The following SUN3 variants were observed in gnomAD, a reference collection of about 807,000 sequenced individuals.
The protein encoded by SUN3 is SUN domain-containing protein 3.
Under a neutral mutation model 48.2 loss-of-function variants are expected in SUN3, and 36 were observed. That is an observed-to-expected ratio of 0.75 (90% CI 0.57 to 0.99). SUN3 has a LOEUF of 0.99. Among genes scored for constraint, SUN3 ranks in the 50% least tolerant of loss-of-function variants. The pLI, the probability that SUN3 is intolerant of heterozygous loss-of-function variation, is 0.00. For synonymous variants in SUN3, 148 were observed against 147.9 expected, an observed-to-expected ratio of 1.00 and a Z score of 0.00; for missense variants, 419 against 433.1, an observed-to-expected ratio of 0.97 and a Z score of 0.29.
chr7:47,989,555 G>A (rs1368209024), intron 8 of SUN3, among the ~76,000 whole-genome samples: 1 of 152,038 alleles, frequency 6.6e-6, no homozygotes, highest in East Asian at 1.9e-4. Flanking sequence ...TTGTAACACA[G>A]CAAAATAAAC....
rs751040171 is a variant in SUN3, at chr7:48,028,980, A to G, written c.-42T>C. ...ACAAACAGCTGGTAGGATGAAGAGC[A>G]ACATTTGTCCTCATTCCTATTTTAT... On this transcript the variant is annotated 5_prime_UTR_variant, in exon 1 of 10. Transcript: ENST00000297325. 3.1e-6 allele frequency: 5 copies of G among 1,612,646 alleles called. No individual in the cohort carries two copies. In the South Asian group the frequency reaches 5.5e-5, roughly 18 times the overall value.
intron 8 of SUN3, among the ~76,000 whole-genome samples, chr7:47,992,704 A>G (rs1789101085): frequency 6.6e-6 from 1 of 152,194 alleles, no homozygotes; most frequent in East Asian, 1.9e-4. Context: ...GAAAAAAAAA[A>G]GAAAATAAAT....
At chr7:48,023,533 GAT>G (rs1790057967) in intron 2 of SUN3, among the ~76,000 whole-genome samples, 1 of 152,016 alleles carries the variant, frequency 6.6e-6, no homozygotes, top group South Asian at 2.1e-4. Flanking sequence ...AAAGGTATAA[GAT>G]ATAGATTTTC....
At position 47,996,122 on chromosome 7, in the gene SUN3, G is replaced by T. The variant is rs761694342; in HGVS notation, c.602C>A (p.Thr201Asn). 1.9e-6 allele frequency: 3 copies of T among 1,587,314 alleles called. No homozygotes were observed. In the East Asian group the frequency reaches 6.9e-5, roughly 36 times the overall value. The change falls in exon 7 of 10, where the codon ACC becomes AAC. Residue 201 changes from threonine to asparagine, a missense_variant. By Grantham distance (65) the Thr-to-Asn change is moderately conservative. Coordinates refer to ENST00000297325, the MANE Select transcript of SUN3 (RefSeq NM_001030019.2). Reference sequence around the variant, plus strand: ...TTTATTATTTTTATAACTTTCTGAGGTCCCAGCTTCAATGATGGAGGCTCC... The same window carrying T: ...TTTATTATTTTTATAACTTTCTGAGTTCCCAGCTTCAATGATGGAGGCTCC... The part of the protein sequence containing the change: ...SAGASIIEAG[T>N]SESYKNNKAK...
At chr7:48,035,441 TC>T in the SUN3 span, 1 of 685,210 alleles carries the variant, frequency 1.5e-6, no homozygotes, top group Admixed American at 2.1e-5. This position sits in a 1 kb window ranked among gnomAD's most constrained non-coding sequence, Gnocchi z 4.0. Flanking sequence ...CCCTCAGGCT[TC>T]CCCTATTGGC....
At chr7:47,993,942 G>GA (rs1257560754) in intron 8 of SUN3, among the ~76,000 whole-genome samples, 1 of 151,658 alleles carries the variant, frequency 6.6e-6, no homozygotes, top group East Asian at 1.9e-4. Flanking sequence ...AATCAAAACT[G>GA]AAAAATCAGG....
At chr7:48,017,980 G>C (rs1252166521) in intron 2 of SUN3, among the ~76,000 whole-genome samples, 1 of 152,152 alleles carries the variant, frequency 6.6e-6, no homozygotes, top group African/African-American at 2.4e-5. Context: ...GAATAAAGAG[G>C]CAGTCTCTTT....
At chr7:48,023,180 A>G (rs920186541) in intron 2 of SUN3, among the ~76,000 whole-genome samples, 2 of 152,172 alleles carry the variant, frequency 1.3e-5, no homozygotes, top group Non-Finnish European at 2.9e-5. Context: ...AAATTTATAA[A>G]GCATAATTAT....
At position 47,994,388 on chromosome 7, in the gene SUN3, G is replaced by T; in HGVS notation, c.788C>A (p.Thr263Asn). Residue 263 changes from threonine (T) to asparagine (N), a missense_variant, in exon 8 of 10, where the codon ACC becomes AAC. Coordinates refer to ENST00000297325, the MANE Select transcript of SUN3 (RefSeq NM_001030019.2). ...LATKIIPTAV[T>N]MEHISEKVSP... The stretch of plus-strand genomic sequence containing the variant: ...CACCTTCTCTGAGATGTGCTCCATG[G>T]TAACAGCAGTTGGTATGATCTTTGT... 1 of 1,613,228 alleles carries T rather than the reference G, an allele frequency of 6.2e-7. No individual in the cohort carries two copies. Among genetic ancestry groups the T allele is most frequent in the Non-Finnish European group, 8.5e-7 (1 of 1,179,668 alleles).
At chr7:48,027,949 A>G (rs1271059933) in intron 1 of SUN3, among the ~76,000 whole-genome samples, 1 of 152,150 alleles carries the variant, frequency 6.6e-6, no homozygotes, top group Non-Finnish European at 1.5e-5. Context: ...ACATTACCAT[A>G]TTTACCAAAG....
intron 2 of SUN3, among the ~76,000 whole-genome samples, chr7:48,017,845 T>A (rs1789854168): frequency 6.6e-6 from 1 of 152,222 alleles, no homozygotes; most frequent in African/African-American, 2.4e-5. Flanking sequence ...CTGTGTTTAT[T>A]CCACGCCTAT....
upstream of SUN3, among the ~76,000 whole-genome samples, chr7:48,031,832 GCACACA>G (rs3073706): frequency 3.8e-4 from 54 of 142,368 alleles, no homozygotes; most frequent in Middle Eastern, 3.6e-3. Flanking sequence ...TGTGATTTAT[GCACACA>G]CACACACACA....
At chr7:47,988,347 T>C (rs1376180815) in intron 9 of SUN3, among the ~76,000 whole-genome samples, 6 of 152,212 alleles carry the variant, frequency 3.9e-5, no homozygotes, top group African/African-American at 1.4e-4. Flanking sequence ...TTTCTCCCAC[T>C]GGGTTAGGAG....
At chr7:47,991,304 T>A (rs922971533) in intron 8 of SUN3, among the ~76,000 whole-genome samples, 3 of 152,156 alleles carry the variant, frequency 2.0e-5, no homozygotes, top group African/African-American at 7.2e-5. Flanking sequence ...TACTAAAGGA[T>A]TCCTGCCTTT....
intron 6 of SUN3, among the ~76,000 whole-genome samples, chr7:47,998,508 T>C (rs1044495863): frequency 2.6e-5 from 4 of 152,234 alleles, no homozygotes; most frequent in African/African-American, 9.6e-5. Context: ...CTGTAACTTG[T>C]CTTTTCATTC....
Position 47,987,343 on chromosome 7 carries a change from C to T in SUN3, c.1061G>A (p.Gly354Asp), listed in dbSNP as rs765465786. Residue 354 changes from glycine (G) to aspartate (D), a missense_variant, in exon 10 of 10, where the codon GGC becomes GAC. Gly to Asp is a moderately conservative substitution (Grantham distance 94). Coordinates refer to ENST00000297325, the MANE Select transcript of SUN3 (RefSeq NM_001030019.2). ...LYRFRVHGTP[G>D]KHI ...GTACCAACTCTTCTAGATGTGCTTGCCTGGTGTGCCATGGACCCTGAATCG... is the reference window on the plus strand; with the variant it reads ...GTACCAACTCTTCTAGATGTGCTTGTCTGGTGTGCCATGGACCCTGAATCG... The T allele has an allele frequency of 1.2e-6, 2 of 1,611,914 alleles. No homozygotes were observed. Among genetic ancestry groups the T allele is most frequent in the East Asian group, 2.2e-5 (1 of 44,776 alleles).
At chr7:48,034,559 A>G in the SUN3 span, among the ~76,000 whole-genome samples, 1,641 of 152,200 alleles carry the variant, frequency 0.011, 17 homozygotes, top group African/African-American at 0.037. Context: ...AACTCTCACA[A>G]GCGGTTACCA....
At chr7:47,991,642 A>C (rs1385153637) in intron 8 of SUN3, among the ~76,000 whole-genome samples, 1 of 152,212 alleles carries the variant, frequency 6.6e-6, no homozygotes, top group East Asian at 1.9e-4. Context: ...ACAAACAAAC[A>C]GAAAAACCAA....
At chr7:48,003,525 C>T (rs187698565) in intron 6 of SUN3, among the ~76,000 whole-genome samples, 1 of 152,168 alleles carries the variant, frequency 6.6e-6, no homozygotes, top group Non-Finnish European at 1.5e-5. Context: ...GATATTGATT[C>T]TTTCTATCCA....
Sources: allele counts gnomAD v4.1 joint callset (sites outside exome capture counted in the v4.1 genomes callset), GRCh38; gene constraint gnomAD v4.1.1; non-coding constraint Gnocchi (gnomAD v3.1); transcripts MANE v1.5; gene names NCBI Gene and HGNC (gene_info 2026-07-23, HGNC 2026-07-21).